Variants in NBEA observed in about 807,000 individuals in gnomAD.
NBEA encodes the protein neurobeachin, also known as lysosomal-trafficking regulator 2.
In NBEA, 44 loss-of-function variants were observed where a neutral mutation model predicts 343.4. That is an observed-to-expected ratio of 0.13 (90% CI 0.10 to 0.16). The LOEUF (loss-of-function observed/expected upper bound fraction) is 0.16. Among genes scored for constraint, NBEA ranks in the 10% least tolerant of loss-of-function variants. The pLI, the probability that NBEA is intolerant of heterozygous loss-of-function variation, is 1.00. For synonymous variants in NBEA, 1,175 were observed against 1,238.7 expected (o/e 0.95, Z 1.08); for missense variants, 2,555 against 3,631.3 (o/e 0.70, Z 7.62).
At chr13:35,597,666 C>T (rs994387974) in intron 47 of NBEA, among the ~76,000 whole-genome samples, 3 of 152,064 alleles carry the variant, frequency 2.0e-5, no homozygotes, top group Admixed American at 1.3e-4. Flanking sequence ...TAAGTTCACA[C>T]GCAGGCAGGT....
At chr13:35,047,122 G>A (rs2062884516) in intron 4 of NBEA, among the ~76,000 whole-genome samples, 2 of 151,910 alleles carry the variant, frequency 1.3e-5, no homozygotes, top group Admixed American at 1.3e-4. Flanking sequence ...TATATTGTAT[G>A]ATAATAAAAC....
rs148804368 is a variant in NBEA, at chr13:35,643,070, A to G, written c.7618-2799A>G. Among the ~76,000 whole-genome samples the G allele has an allele frequency of 3.3e-5, 5 of 151,368 alleles. No individual in the cohort carries two copies. In the Admixed American group the frequency reaches 3.3e-4, roughly 10 times the overall value. ...TTTCTGGATAATATAGAAGGAATTC[A>G]TCTCACAGTTCCAGTAGTTTCTTTT... On this transcript the variant is annotated intron_variant, in intron 49 of 58. Coordinates refer to ENST00000379939, the MANE Select transcript of NBEA (RefSeq NM_001385012.1).
intron 32 of NBEA, among the ~76,000 whole-genome samples, chr13:35,210,788 A>G (rs1051014522): frequency 1.3e-5 from 2 of 152,002 alleles, no homozygotes; most frequent in African/African-American, 4.8e-5. Flanking sequence ...AAATTTTTTC[A>G]TTTCTTGATG....
At chr13:35,078,915 G>A (rs530967289) in intron 10 of NBEA, among the ~76,000 whole-genome samples, 4 of 152,230 alleles carry the variant, frequency 2.6e-5, no homozygotes, top group African/African-American at 9.6e-5. Context: ...CCAGCTACTT[G>A]GGAGGCTGAG....
At chr13:35,163,584 A>G (rs2069742340) in intron 23 of NBEA, among the ~76,000 whole-genome samples, 1 of 150,546 alleles carries the variant, frequency 6.6e-6, no homozygotes, top group Admixed American at 6.6e-5. Context: ...CCACCACTAC[A>G]CTCTAGCCTG....
intron 27 of NBEA, among the ~76,000 whole-genome samples, chr13:35,175,498 G>A (rs992758584): frequency 6.6e-6 from 1 of 152,268 alleles, no homozygotes; most frequent in African/African-American, 2.4e-5. Flanking sequence ...AAATAAAGTA[G>A]ATAATAGAAA....
At chr13:35,289,108 A>G (rs967387075) in intron 34 of NBEA, among the ~76,000 whole-genome samples, 11 of 151,902 alleles carry the variant, frequency 7.2e-5, no homozygotes, top group African/African-American at 2.4e-4. Flanking sequence ...ACTACCTACA[A>G]TAAATATGCA....
chr13:35,496,297 A>G (rs115596560), intron 41 of NBEA, among the ~76,000 whole-genome samples: 1,581 of 151,970 alleles, frequency 0.01, 36 homozygotes, highest in African/African-American at 0.037. Flanking sequence ...CTCTACTTTC[A>G]TATATTGTGT....
chr13:35,277,190 A>T (rs1322549657), intron 34 of NBEA, among the ~76,000 whole-genome samples: 1 of 152,148 alleles, frequency 6.6e-6, no homozygotes, highest in Non-Finnish European at 1.5e-5. Flanking sequence ...AATTTGGTAA[A>T]GTAAAAATAC....
chr13:35,387,323 G>C (rs903749644), intron 38 of NBEA, among the ~76,000 whole-genome samples: 1 of 152,078 alleles, frequency 6.6e-6, no homozygotes, highest in African/African-American at 2.4e-5. Context: ...CATGGTTCCA[G>C]AAGTATTTTA....
At chr13:35,635,001 T>C (rs1317215215) in intron 49 of NBEA, among the ~76,000 whole-genome samples, 1 of 148,674 alleles carries the variant, frequency 6.7e-6, no homozygotes, top group African/African-American at 2.6e-5. Flanking sequence ...AAGATAGATG[T>C]GTCTTTAACC....
chr13:35,105,033 G>T (rs886668932), intron 11 of NBEA, among the ~76,000 whole-genome samples: 1 of 151,952 alleles, frequency 6.6e-6, no homozygotes, highest in East Asian at 1.9e-4. Flanking sequence ...TTAAAAAGTT[G>T]TAAGCAGGGA....
intron 41 of NBEA, among the ~76,000 whole-genome samples, chr13:35,497,306 T>C (rs2076719702): frequency 6.6e-6 from 1 of 152,148 alleles, no homozygotes; most frequent in African/African-American, 2.4e-5. Context: ...TGCCAGATGT[T>C]CTTAACATTT....
chr13:35,197,856 A>G (rs564666538), intron 31 of NBEA, among the ~76,000 whole-genome samples: 1 of 152,322 alleles, frequency 6.6e-6, no homozygotes, highest in South Asian at 2.1e-4. Flanking sequence ...CACTTTTGCC[A>G]GTGTTTTACA....
At chr13:35,008,266 T>G (rs1052667279) in intron 1 of NBEA, among the ~76,000 whole-genome samples, 5 of 152,212 alleles carry the variant, frequency 3.3e-5, no homozygotes. Context: ...CAATTTTCCC[T>G]TCGTATCCTT....
intron 1 of NBEA, among the ~76,000 whole-genome samples, chr13:35,027,383 CT>C (rs553757512): frequency 1.1e-3 from 163 of 145,186 alleles, no homozygotes; most frequent in Non-Finnish European, 9.8e-4. Context: ...GACAGATCCA[CT>C]TTTTTTTTTT....
intron 36 of NBEA, among the ~76,000 whole-genome samples, chr13:35,341,684 C>T (rs117213891): frequency 0.028 from 4,313 of 152,142 alleles, 93 homozygotes; most frequent in Non-Finnish European, 0.044. Context: ...GATACCACTT[C>T]ATATTCATTA....
At chr13:35,065,695 T>A in intron 8 of NBEA, among the ~76,000 whole-genome samples, 1 of 152,098 alleles carries the variant, frequency 6.6e-6, no homozygotes, top group Non-Finnish European at 1.5e-5. Flanking sequence ...TTTTAAAATT[T>A]AAAAGTAAAA....
intron 10 of NBEA, among the ~76,000 whole-genome samples, chr13:35,088,995 A>G (rs2064922772): frequency 1.6e-4 from 19 of 120,420 alleles, no homozygotes; most frequent in Admixed American, 4.6e-4. Context: ...GGACATAGGC[A>G]TGGGCAAGGA....
Sources: gnomAD v4.1 joint callset for allele counts (sites outside exome capture counted in the v4.1 genomes callset) on GRCh38, gnomAD v4.1.1 for gene constraint, MANE v1.5 for transcripts, NCBI Gene and HGNC (gene_info 2026-07-23, HGNC 2026-07-21) for gene names.